PIEZO2: variants seen among roughly 807,000 people sequenced by gnomAD.
The protein encoded by PIEZO2 is piezo type mechanosensitive ion channel component 2.
Under a neutral mutation model 337.3 loss-of-function variants are expected in PIEZO2, and 172 were observed. That is an observed-to-expected ratio of 0.51 (90% CI 0.45 to 0.58). PIEZO2 has a LOEUF of 0.58. Ranked by LOEUF, PIEZO2 falls within the 20% of genes least tolerant of loss-of-function variation. The pLI is 0.00. For missense variants in PIEZO2, 3,028 were observed against 3,391.3 expected, an observed-to-expected ratio of 0.89 and a Z score of 2.66; for synonymous variants, 1,251 against 1,228.5, an observed-to-expected ratio of 1.02 and a Z score of -0.38.
chr18:10,674,750 T>A (rs1053078387), intron 54 of PIEZO2, among the ~76,000 whole-genome samples: 3 of 152,250 alleles, frequency 2.0e-5, no homozygotes, highest in Non-Finnish European at 4.4e-5. Context: ...CATGAATTTA[T>A]ACCATCCAAG....
At position 11,108,571 on chromosome 18, in the gene PIEZO2, A is replaced by G. The variant is rs912780167; in HGVS notation, c.64+39954T>C. On this transcript the variant is annotated intron_variant, in intron 1 of 55. Coordinates refer to ENST00000674853, the MANE Select transcript of PIEZO2 (RefSeq NM_001378183.1). ...GGAGTTTGCAGTGAGCTGAGATCGC[A>G]CCACTGCACTCCAGCCTGGGCAACA... Among the ~76,000 whole-genome samples the G allele has an allele frequency of 9.9e-5, 13 of 131,520 alleles. No individual in the cohort carries two copies. The South Asian group carries it at 2.5e-3, about 26-fold the overall frequency. 86.3% of individuals were successfully genotyped at this position (131,520 alleles called of 152,430 possible). A position where few individuals can be genotyped will look rare whatever the true frequency, so the allele number is the denominator to read the frequency against.
chr18:10,797,488 T>C lies in PIEZO2; in HGVS notation c.1413A>G (p.Glu471=). 6.5e-7 allele frequency: 1 copy of C among 1,537,190 alleles called. No homozygotes were observed. Among genetic ancestry groups the C allele is most frequent in the South Asian group, 1.2e-5 (1 of 84,066 alleles). The change falls in exon 12 of 56, where the codon GAA becomes GAG. Residue 471 remains glutamate, a synonymous_variant. Transcript: ENST00000674853. ...KREEEEEEKE[E]FEEERSREEK... is the part of the protein sequence containing the mutation. ...CCTCACGGCTCCTTTCTTCTTCAAA[T>C]TCTTCTTTCTCTTCCTCTTCCTCCT...
chr18:10,944,114 A>G (rs767989414), intron 3 of PIEZO2, among the ~76,000 whole-genome samples: 37 of 152,340 alleles, frequency 2.4e-4, no homozygotes, highest in Admixed American at 1.7e-3. Context: ...GCAATGACAA[A>G]TGAGGATTTT....
At chr18:10,736,156 C>T (rs191916463) in intron 34 of PIEZO2, among the ~76,000 whole-genome samples, 78 of 152,276 alleles carry the variant, frequency 5.1e-4, no homozygotes, top group African/African-American at 1.4e-3. Flanking sequence ...ACATATGAAA[C>T]GGTTTTCAAA....
At chr18:10,987,803 A>T (rs1446282216) in intron 2 of PIEZO2, among the ~76,000 whole-genome samples, 1 of 152,136 alleles carries the variant, frequency 6.6e-6, no homozygotes, top group Non-Finnish European at 1.5e-5. Flanking sequence ...ATCTGATAAG[A>T]GGTTAATATA....
chr18:11,098,619 G>C (rs1297928791), intron 1 of PIEZO2, among the ~76,000 whole-genome samples: 1 of 150,460 alleles, frequency 6.6e-6, no homozygotes, highest in South Asian at 2.1e-4. Context: ...AATGGGAGGT[G>C]TTTAGGTCAT....
At chr18:10,772,286 G>A (rs1261309217) in intron 20 of PIEZO2, among the ~76,000 whole-genome samples, 1 of 152,224 alleles carries the variant, frequency 6.6e-6, no homozygotes, top group Non-Finnish European at 1.5e-5. Flanking sequence ...ATAAAAAGGT[G>A]TAGGTAATAA....
Position 10,772,820 on chromosome 18 carries a change from A to G in PIEZO2, c.2785+592T>C, listed in dbSNP as rs879771956. On this transcript the variant is annotated intron_variant, in intron 20 of 55. Transcript: ENST00000674853. ...TCTATTAAAACATTATTTCAAGTCTAGGAAGGGAAGTAGAAAAGAAGAGCC... is the reference window on the plus strand; with the variant it reads ...TCTATTAAAACATTATTTCAAGTCTGGGAAGGGAAGTAGAAAAGAAGAGCC... 7.9e-5 allele frequency among the ~76,000 whole-genome samples: 12 copies of G among 152,340 alleles called. 1 individual carries two copies. In the South Asian group the frequency reaches 1.2e-3, roughly 16 times the overall value.
chr18:10,869,517 A>G (rs1218806816), intron 5 of PIEZO2, among the ~76,000 whole-genome samples: 3 of 152,242 alleles, frequency 2.0e-5, no homozygotes, highest in African/African-American at 7.2e-5. Flanking sequence ...TAAAAATAAC[A>G]AATACCCAGT....
intron 1 of PIEZO2, among the ~76,000 whole-genome samples, chr18:11,133,594 G>A (rs955035174): frequency 6.6e-6 from 1 of 152,094 alleles, no homozygotes; most frequent in Non-Finnish European, 1.5e-5. Flanking sequence ...AAAGCAGGCA[G>A]AAAAACGTGA....
Position 10,953,225 on chromosome 18 carries a change from G to A in PIEZO2, c.286+26310C>T, listed in dbSNP as rs753054372. Among the ~76,000 whole-genome samples, 6 of 152,122 alleles carry A rather than the reference G, an allele frequency of 3.9e-5. No homozygotes were observed. The highest frequency in any genetic ancestry group is 8.8e-5 in the Non-Finnish European group (6 of 68,030). On this transcript the variant is annotated intron_variant, in intron 3 of 55. Transcript: ENST00000674853. This position sits in a 1 kb window ranked among gnomAD's most constrained non-coding sequence, Gnocchi z 5.2. ...TTGTATTAACACTGGATTTTGAAGA[G>A]CAGAAGTTCTTCATTTTGATGAAGT... is the stretch of plus-strand genomic sequence containing the variant.
Position 10,881,191 on chromosome 18 carries a change from A to T in PIEZO2, c.330-9776T>A, listed in dbSNP as rs180847858. ...CGCAGATATCTAATTACCTTAAGGT[A>T]TGAATTGTTGCTGGATTTTCAGGAG... On this transcript the variant is annotated intron_variant, in intron 4 of 55. Transcript: ENST00000674853. Among the ~76,000 whole-genome samples, 10 of 152,142 alleles carry T rather than the reference A, an allele frequency of 6.6e-5. No individual in the cohort carries two copies. The East Asian group carries it at 1.9e-3, about 29-fold the overall frequency.
At position 10,931,176 on chromosome 18, in the gene PIEZO2, A is replaced by C. The variant is rs114515844; in HGVS notation, c.287-19948T>G. Reference sequence around the variant, plus strand: ...CATCCAGCTATCTAAATATATATCTACTTATAATTTTATTGTATTTATTTA... The same window carrying C: ...CATCCAGCTATCTAAATATATATCTCCTTATAATTTTATTGTATTTATTTA... On this transcript the variant is annotated intron_variant, in intron 3 of 55. Transcript: ENST00000674853. Among the ~76,000 whole-genome samples, 1,507 of 151,736 alleles carry C rather than the reference A, an allele frequency of 9.9e-3. 32 individuals are homozygous for C. The highest frequency in any genetic ancestry group is 0.034 in the African/African-American group (1,408 of 41,350).
chr18:10,688,294 A>G (rs1284067331), intron 49 of PIEZO2, among the ~76,000 whole-genome samples: 1 of 152,114 alleles, frequency 6.6e-6, no homozygotes, highest in Non-Finnish European at 1.5e-5. Context: ...GCTGAGAATG[A>G]TGGCTTCCAC....
chr18:10,875,321 A>G (rs2042242738), intron 4 of PIEZO2, among the ~76,000 whole-genome samples: 1 of 152,216 alleles, frequency 6.6e-6, no homozygotes. Flanking sequence ...AATTCATCAT[A>G]GGAAAATTGC....
At chr18:11,145,840 A>AGGTCACTAG (rs2040795577) in intron 1 of PIEZO2, among the ~76,000 whole-genome samples, 1 of 152,318 alleles carries the variant, frequency 6.6e-6, no homozygotes, top group African/African-American at 2.4e-5. Context: ...ACACGTGAGG[A>AGGTCACTAG]GGTCACTAGG....
chr18:10,998,265 TG>T (rs1440300860), intron 2 of PIEZO2, among the ~76,000 whole-genome samples: 2 of 151,682 alleles, frequency 1.3e-5, no homozygotes, highest in Non-Finnish European at 2.9e-5. Context: ...TGAAGGGAAA[TG>T]GTACCAAAAA....
rs148768524 is a variant in PIEZO2 at position 11,048,368 on chromosome 18, C to T, written c.160+17759G>A. 0.012 allele frequency among the ~76,000 whole-genome samples: 1,871 copies of T among 152,314 alleles called. 16 individuals are homozygous for T. The highest frequency in any genetic ancestry group is 0.019 in the Non-Finnish European group (1,282 of 68,032). ...GCCAAGCGGACTGCCTGGCCCATTT[C>T]AGACACTCAGTAATGCTTATTCTGT... On this transcript the variant is annotated intron_variant, in intron 2 of 55. Transcript: ENST00000674853. The surrounding 1 kb of genome is among the most constrained non-coding windows in gnomAD (Gnocchi z 4.5).
At chr18:11,063,001 G>A (rs2038022575) in intron 2 of PIEZO2, among the ~76,000 whole-genome samples, 1 of 152,084 alleles carries the variant, frequency 6.6e-6, no homozygotes, top group African/African-American at 2.4e-5. Flanking sequence ...CAAAGACTTG[G>A]AACCAAACCA....
Sources: gnomAD v4.1 joint callset for allele counts (sites outside exome capture counted in the v4.1 genomes callset) on GRCh38, gnomAD v4.1.1 for gene constraint, Gnocchi (gnomAD v3.1) non-coding constraint, MANE v1.5 for transcripts, NCBI Gene and HGNC (gene_info 2026-07-23, HGNC 2026-07-21) for gene names.